Variants in LRRIQ3 observed in about 807,000 individuals in gnomAD.
The protein encoded by LRRIQ3 is leucine rich repeats and IQ motif containing 3, also known as leucine-rich repeat and IQ domain-containing protein 3.
LRRIQ3 carries 75 observed loss-of-function variants against 59.3 expected under a neutral mutation model. The observed-to-expected ratio is 1.26, with a 90% CI of 1.05 to 1.53. The LOEUF (loss-of-function observed/expected upper bound fraction) is 1.53. Among genes scored for constraint, LRRIQ3 ranks in the 40% most tolerant of loss-of-function variants. The pLI is 0.00. For missense variants in LRRIQ3, 831 were observed against 710.0 expected (o/e 1.17, Z -1.94); for synonymous variants, 250 against 231.3 (o/e 1.08, Z -0.73).
chr1:74,036,525 T>C (rs1653879183), intron 7 of LRRIQ3, among the ~76,000 whole-genome samples: 1 of 152,230 alleles, frequency 6.6e-6, no homozygotes, highest in Admixed American at 6.5e-5. Flanking sequence ...TTGTTATGCC[T>C]TTTTCTTGCT....
chr1:74,147,453 G>A (rs1647648870), intron 4 of LRRIQ3, among the ~76,000 whole-genome samples: 1 of 152,068 alleles, frequency 6.6e-6, no homozygotes, highest in South Asian at 2.1e-4. Context: ...CAATTAATTT[G>A]ATGTTTGATA....
At chr1:74,060,221 G>GTTCTTCTTCTTCTTC (rs773201991) in intron 6 of LRRIQ3, among the ~76,000 whole-genome samples, 1 of 53,564 alleles carries the variant, frequency 1.9e-5, no homozygotes, top group Non-Finnish European at 6.3e-5. Context: ...TCTTCTTCTT[G>GTTCTTCTTCTTCTTC]TTCTTCTTCT....
chr1:74,060,305 C>A (rs992713871), intron 6 of LRRIQ3, among the ~76,000 whole-genome samples: 1 of 150,362 alleles, frequency 6.7e-6, no homozygotes, highest in Non-Finnish European at 1.5e-5. Flanking sequence ...TCCTCTTCCT[C>A]TTCTTCTTCC....
At chr1:74,040,341 G>T (rs528517381) in intron 7 of LRRIQ3, among the ~76,000 whole-genome samples, 1 of 152,170 alleles carries the variant, frequency 6.6e-6, no homozygotes, top group South Asian at 2.1e-4. Context: ...CAATAATAGT[G>T]GGAGACTTTA....
intron 6 of LRRIQ3, among the ~76,000 whole-genome samples, chr1:74,062,154 C>T: frequency 6.6e-6 from 1 of 152,044 alleles, no homozygotes; most frequent in East Asian, 1.9e-4. Flanking sequence ...TATTTGCAAA[C>T]TGTGAATCCA....
intron 6 of LRRIQ3, among the ~76,000 whole-genome samples, chr1:74,060,617 GGT>G (rs1553163137): frequency 2.0e-5 from 3 of 151,688 alleles, no homozygotes; most frequent in Non-Finnish European, 4.4e-5. Context: ...AGTATAGCTG[GGT>G]GTGATGGTGC....
chr1:74,087,260 T>C (rs1372450976), intron 5 of LRRIQ3, among the ~76,000 whole-genome samples: 1 of 151,956 alleles, frequency 6.6e-6, no homozygotes, highest in East Asian at 1.9e-4. Context: ...TTTAAGATAA[T>C]TTCCTTTCCA....
intron 5 of LRRIQ3, among the ~76,000 whole-genome samples, chr1:74,096,691 G>A (rs533226866): frequency 1.3e-5 from 2 of 152,058 alleles, no homozygotes; most frequent in Admixed American, 6.6e-5. Flanking sequence ...ATCTACCTTT[G>A]GTCTTTGATG....
intron 4 of LRRIQ3, chr1:74,144,491 T>C: frequency 3.0e-6 from 1 of 334,840 alleles, no homozygotes. Context: ...TTTTTTTTTC[T>C]CGCTTTCTTG....
intron 5 of LRRIQ3, among the ~76,000 whole-genome samples, chr1:74,101,923 C>T (rs1376706060): frequency 4.6e-5 from 7 of 151,432 alleles, no homozygotes; most frequent in South Asian, 4.2e-4. Flanking sequence ...GTGGGGGGAG[C>T]GGGGAGGGAT....
rs1327285784 is a variant in LRRIQ3 at position 74,026,256 on chromosome 1, G to A, written c.*557C>T. On this transcript the variant is annotated 3_prime_UTR_variant, in exon 8 of 8. Coordinates refer to ENST00000354431, the MANE Select transcript of LRRIQ3 (RefSeq NM_001105659.2). ...AGTCTTCAAGGAAGGTGATAAGAAT[G>A]TTTAATTTACTTTTCATAGTTCATA... The A allele has an allele frequency of 6.6e-6, 1 of 152,048 alleles. No homozygotes were observed. Among genetic ancestry groups the A allele is most frequent in the East Asian group, 1.9e-4 (1 of 5,212 alleles). 9.4% of individuals were successfully genotyped at this position (152,048 alleles called of 1,614,324 possible). A position where few individuals can be genotyped will look rare whatever the true frequency, so the allele number is the denominator to read the frequency against.
At chr1:74,106,102 G>A (rs937637368) in intron 5 of LRRIQ3, among the ~76,000 whole-genome samples, 1 of 151,956 alleles carries the variant, frequency 6.6e-6, no homozygotes, top group African/African-American at 2.4e-5. Context: ...TTAAGACAGA[G>A]GGTGTGAAAT....
chr1:74,050,782 C>T (rs1654346433), intron 6 of LRRIQ3, among the ~76,000 whole-genome samples: 2 of 152,144 alleles, frequency 1.3e-5, no homozygotes, highest in Admixed American at 6.6e-5. Flanking sequence ...AGGAAGAAAG[C>T]AGTGGCATAA....
intron 7 of LRRIQ3, among the ~76,000 whole-genome samples, chr1:74,031,085 T>A (rs1029895275): frequency 3.3e-5 from 5 of 152,156 alleles, no homozygotes; most frequent in African/African-American, 1.2e-4. Flanking sequence ...CCAGTTAGAA[T>A]GGCGATCATT....
chr1:74,130,353 C>A (rs551538024), intron 4 of LRRIQ3, among the ~76,000 whole-genome samples: 1 of 152,190 alleles, frequency 6.6e-6, no homozygotes, highest in South Asian at 2.1e-4. Flanking sequence ...TGGCTGAGTT[C>A]CACCAAGTGC....
At chr1:74,134,369 T>C (rs1471365091) in intron 4 of LRRIQ3, among the ~76,000 whole-genome samples, 1 of 152,014 alleles carries the variant, frequency 6.6e-6, no homozygotes, top group Non-Finnish European at 1.5e-5. Flanking sequence ...CACTTCTACC[T>C]ACATGGTGCA....
intron 6 of LRRIQ3, among the ~76,000 whole-genome samples, chr1:74,070,428 G>C (rs939157535): frequency 6.6e-6 from 1 of 151,914 alleles, no homozygotes; most frequent in East Asian, 1.9e-4. Context: ...TAAACATCAA[G>C]TACATATGGA....
chr1:74,180,636 A>T, intron 3 of LRRIQ3: 1 of 1,344,604 alleles, frequency 7.4e-7, no homozygotes, highest in Non-Finnish European at 1.0e-6. Flanking sequence ...CTCAGTGTGA[A>T]AAGTACACTC....
chr1:74,088,738 AT>A (rs1016157094), intron 5 of LRRIQ3, among the ~76,000 whole-genome samples: 14 of 152,010 alleles, frequency 9.2e-5, no homozygotes, highest in African/African-American at 3.4e-4. Context: ...TAGAAAAAAA[AT>A]CTTTGAGGCC....
Sources: allele counts gnomAD v4.1 joint callset (sites outside exome capture counted in the v4.1 genomes callset), GRCh38; gene constraint gnomAD v4.1.1; transcripts MANE v1.5; gene names NCBI Gene and HGNC (gene_info 2026-07-23, HGNC 2026-07-21).